The following PLXNA4 variants were observed in gnomAD, a reference collection of about 807,000 sequenced individuals.
PLXNA4 encodes plexin A4, also known as plexin-A4.
In PLXNA4, 44 loss-of-function variants were observed where a neutral mutation model predicts 191.8. The observed-to-expected ratio is 0.23, with a 90% CI of 0.18 to 0.29. The LOEUF (loss-of-function observed/expected upper bound fraction) is 0.29. PLXNA4 is among the 10% of genes least tolerant of loss of function. PLXNA4 has a pLI of 1.00. For missense variants in PLXNA4, 1,800 were observed against 2,488.8 expected, an observed-to-expected ratio of 0.72 and a Z score of 5.89; for synonymous variants, 1,082 against 1,009.5, an observed-to-expected ratio of 1.07 and a Z score of -1.36.
At position 132,227,506 on chromosome 7, in the gene PLXNA4, C is replaced by A; in HGVS notation, c.1827G>T (p.Gln609His). 1 of 1,614,206 alleles carries A rather than the reference C, an allele frequency of 6.2e-7. No homozygotes were observed. Among genetic ancestry groups the A allele is most frequent in the Non-Finnish European group, 8.5e-7 (1 of 1,180,046 alleles). Reference protein sequence around the residue: ...SEMDGLVVGNQIQCYSPAAKE... With the variant: ...SEMDGLVVGNHIQCYSPAAKE... ...TGGCTGCAGGGGAGTAGCACTGGAT[C>A]TGATTGCCCACGACCAGCCCATCCA... The change falls in exon 7 of 32, where the codon CAG (glutamine) becomes CAT (histidine). Residue 609 changes from glutamine (Q) to histidine (H), a missense_variant. Around this residue, in one of 6 missense-constraint regions of PLXNA4, gnomAD observed 1,397 missense variants for 1,880.4 expected, o/e 0.74. Coordinates refer to ENST00000321063, the MANE Select transcript of PLXNA4 (RefSeq NM_020911.2).
intron 3 of PLXNA4, chr7:132,352,283 C>T (rs888406734): frequency 3.3e-5 from 5 of 152,480 alleles, no homozygotes; most frequent in East Asian, 1.9e-4. Flanking sequence ...CTCTCGCCTA[C>T]GTGTGCCCAT....
chr7:132,401,082 T>C (rs1171675166), intron 3 of PLXNA4, among the ~76,000 whole-genome samples: 2 of 152,154 alleles, frequency 1.3e-5, no homozygotes, highest in African/African-American at 2.4e-5. Context: ...CTGGCACATA[T>C]CTACACATGT....
chr7:132,273,077 T>A (rs770486088), intron 4 of PLXNA4, among the ~76,000 whole-genome samples: 1 of 152,170 alleles, frequency 6.6e-6, no homozygotes, highest in Non-Finnish European at 1.5e-5. Context: ...GTTTGACAAA[T>A]GAATAATTGA....
intron 1 of PLXNA4, among the ~76,000 whole-genome samples, chr7:132,561,955 C>A (rs1433005466): frequency 7.1e-6 from 1 of 141,744 alleles, no homozygotes; most frequent in Non-Finnish European, 1.5e-5. Context: ...TCCTCTTTCT[C>A]CTCCTCCTCC....
intron 3 of PLXNA4, among the ~76,000 whole-genome samples, chr7:132,456,023 G>A (rs1269427086): frequency 1.3e-5 from 2 of 152,196 alleles, no homozygotes; most frequent in African/African-American, 2.4e-5. Flanking sequence ...CTGACAGGGC[G>A]CCGGTGGGAG....
intron 3 of PLXNA4, among the ~76,000 whole-genome samples, chr7:132,487,445 C>T (rs1797607053): frequency 6.6e-6 from 1 of 152,190 alleles, no homozygotes; most frequent in Non-Finnish European, 1.5e-5. Flanking sequence ...ATGAATTGTA[C>T]ACAGTAATGC....
rs1414235586 is a variant in PLXNA4 at position 132,211,128 on chromosome 7, G to A, written c.2113C>T (p.Leu705=). The A allele has an allele frequency of 1.3e-6, 2 of 1,558,724 alleles. No homozygotes were observed. The highest frequency in any genetic ancestry group is 1.9e-5 in the Admixed American group (1 of 51,696). The change falls in exon 10 of 32, where the codon CTG becomes TTG. Residue 705 remains leucine (L), a synonymous_variant. Coordinates refer to ENST00000321063, the MANE Select transcript of PLXNA4 (RefSeq NM_020911.2). ...GGCACCAGGATCTTGTCCACTCGCA[G>A]CAGCTGGGGGCAGTCCTGGGGACAG... is the stretch of plus-strand genomic sequence containing the variant. ...VKLPEDCPQL[L]RVDKILVPVE...
intron 29 of PLXNA4, among the ~76,000 whole-genome samples, chr7:132,143,917 C>T (rs560707674): frequency 5.3e-5 from 8 of 152,292 alleles, no homozygotes; most frequent in African/African-American, 1.9e-4. Flanking sequence ...TTGGTTCCTA[C>T]CTGGTTTTTC....
intron 16 of PLXNA4, 137 bp from the exon 17 acceptor site, chr7:132,182,327 A>G: frequency 7.2e-7 from 1 of 1,393,218 alleles, no homozygotes. Context: ...GACAAGGATG[A>G]CAAGCTGACT....
At chr7:132,239,837 G>A (rs963979657) in intron 5 of PLXNA4, among the ~76,000 whole-genome samples, 1 of 152,160 alleles carries the variant, frequency 6.6e-6, no homozygotes, top group African/African-American at 2.4e-5. Flanking sequence ...AGGGTGGCAC[G>A]GCCATAGACT....
intron 3 of PLXNA4, among the ~76,000 whole-genome samples, chr7:132,319,085 T>C (rs771752910): frequency 1.3e-5 from 2 of 152,290 alleles, no homozygotes; most frequent in Middle Eastern, 3.4e-3. Flanking sequence ...AGGAGAGCCA[T>C]CCAAAGGCCC....
intron 2 of PLXNA4, among the ~76,000 whole-genome samples, chr7:132,490,211 T>G (rs1244258897): frequency 1.3e-5 from 2 of 152,122 alleles, no homozygotes; most frequent in East Asian, 3.9e-4. Context: ...ACACCAGCAC[T>G]TCCCAAAGTG....
At chr7:132,214,218 G>C (rs1797894613) in intron 9 of PLXNA4, among the ~76,000 whole-genome samples, 1 of 152,156 alleles carries the variant, frequency 6.6e-6, no homozygotes, top group South Asian at 2.1e-4. Context: ...CTGGAACCCT[G>C]CCTGGGGGCT....
chr7:132,139,972 A>G (rs115848787), intron 30 of PLXNA4, among the ~76,000 whole-genome samples: 1,909 of 152,276 alleles, frequency 0.013, 44 homozygotes, highest in African/African-American at 0.043. Flanking sequence ...CTTCTTTACC[A>G]TGAGTCGCAC....
At chr7:132,186,437 G>T (rs1034312678) in intron 15 of PLXNA4, among the ~76,000 whole-genome samples, 1 of 152,120 alleles carries the variant, frequency 6.6e-6, no homozygotes, top group Non-Finnish European at 1.5e-5. Context: ...CTGCAGAGTG[G>T]GTGCTATGGG....
chr7:132,154,437 G>A (rs1303340152), intron 25 of PLXNA4, among the ~76,000 whole-genome samples: 1 of 149,062 alleles, frequency 6.7e-6, no homozygotes, highest in Admixed American at 6.7e-5. Flanking sequence ...TTTAATTATT[G>A]TGACAGCAAG....
chr7:132,134,857 C>A (rs1159494227), intron 30 of PLXNA4, among the ~76,000 whole-genome samples: 1 of 152,158 alleles, frequency 6.6e-6, no homozygotes, highest in African/African-American at 2.4e-5. Context: ...CTTCCTGTTT[C>A]ATTTTGCTTT....
intron 4 of PLXNA4, among the ~76,000 whole-genome samples, chr7:132,257,940 T>C (rs1011303486): frequency 1.3e-5 from 2 of 152,236 alleles, no homozygotes; most frequent in African/African-American, 4.8e-5. Context: ...AGCAAAATCA[T>C]TGACATGCAA....
intron 3 of PLXNA4, among the ~76,000 whole-genome samples, chr7:132,312,526 T>C (rs1801784623): frequency 6.6e-6 from 1 of 152,230 alleles, no homozygotes; most frequent in African/African-American, 2.4e-5. Flanking sequence ...AATATGCTAA[T>C]GGTATATTGA....
Sources: gnomAD v4.1 joint callset for allele counts (sites outside exome capture counted in the v4.1 genomes callset) on GRCh38, gnomAD v4.1.1 for gene constraint, gnomAD v4.1.1 regional missense constraint, MANE v1.5 for transcripts, NCBI Gene and HGNC (gene_info 2026-07-23, HGNC 2026-07-21) for gene names.